The following USH2A variants were observed in gnomAD, a reference collection of about 807,000 sequenced individuals.
The protein encoded by USH2A is usherin, also known as Usher syndrome 2A (autosomal recessive, mild).
In USH2A, 443 loss-of-function variants were observed where a neutral mutation model predicts 538.9. That is an observed-to-expected ratio of 0.82 (90% CI 0.76 to 0.89). The LOEUF (loss-of-function observed/expected upper bound fraction) is 0.89, where lower values mean the gene tolerates loss of function less well. Ranked by LOEUF, USH2A falls within the 40% of genes least tolerant of loss-of-function variation. The pLI, the probability that USH2A is intolerant of heterozygous loss-of-function variation, is 0.00. For missense variants in USH2A, 6,633 were observed against 6,324.8 expected, an observed-to-expected ratio of 1.05 and a Z score of -1.65; for synonymous variants, 2,413 against 2,273.5, an observed-to-expected ratio of 1.06 and a Z score of -1.75.
intron 38 of USH2A, among the ~76,000 whole-genome samples, chr1:215,931,257 A>G (rs2102496698): frequency 6.6e-6 from 1 of 152,016 alleles, no homozygotes; most frequent in East Asian, 1.9e-4. Flanking sequence ...TTAATTATAT[A>G]TTTTTTCTCA....
At chr1:216,316,845 CAG>C (rs1483982897) in intron 9 of USH2A, among the ~76,000 whole-genome samples, 1 of 152,064 alleles carries the variant, frequency 6.6e-6, no homozygotes, top group African/African-American at 2.4e-5. Flanking sequence ...TGAACATGAA[CAG>C]ACAGTTCTCA....
At chr1:215,930,643 T>A (rs1384215826) in intron 38 of USH2A, among the ~76,000 whole-genome samples, 2 of 152,028 alleles carry the variant, frequency 1.3e-5, no homozygotes, top group African/African-American at 4.8e-5. Flanking sequence ...TGCCAATCCA[T>A]ACAGGTTTGA....
At position 216,089,156 on chromosome 1, in the gene USH2A, A is replaced by T; in HGVS notation, c.4759-17T>A. The stretch of plus-strand genomic sequence containing the variant: ...TGGTGACCCCTTAAGGGAATGAATG[A>T]ATAAATAAATGTTTATACATGCATA... On this transcript the variant is annotated splice_polypyrimidine_tract_variant and intron_variant, in intron 22 of 71. Coordinates refer to ENST00000307340, the MANE Select transcript of USH2A (RefSeq NM_206933.4). The T allele has an allele frequency of 1.2e-6, 2 of 1,607,344 alleles. No individual in the cohort carries two copies. The highest frequency in any genetic ancestry group is 1.7e-6 in the Non-Finnish European group (2 of 1,174,592).
intron 47 of USH2A, among the ~76,000 whole-genome samples, chr1:215,832,745 A>C: frequency 6.6e-6 from 1 of 151,940 alleles, no homozygotes; most frequent in Non-Finnish European, 1.5e-5. Context: ...GCAATAAGGC[A>C]GGAAAAAGAA....
At chr1:216,171,729 T>A (rs1251052060) in intron 21 of USH2A, among the ~76,000 whole-genome samples, 1 of 152,076 alleles carries the variant, frequency 6.6e-6, no homozygotes, top group African/African-American at 2.4e-5. Context: ...GTCAGTGGAA[T>A]TATGTTAATT....
intron 11 of USH2A, among the ~76,000 whole-genome samples, chr1:216,273,166 G>C (rs940996724): frequency 6.6e-6 from 1 of 152,104 alleles, no homozygotes. Context: ...GATAGTAAAG[G>C]GGTGTCGGAC....
intron 20 of USH2A, among the ~76,000 whole-genome samples, chr1:216,185,058 T>G (rs2034571902): frequency 1.3e-5 from 2 of 151,912 alleles, no homozygotes; most frequent in African/African-American, 4.8e-5. Context: ...CACAAATTTC[T>G]CGGATTAAAA....
chr1:215,779,918 C>T lies in USH2A; in HGVS notation c.10864G>A (p.Glu3622Lys). Residue 3622 changes from glutamate (E) to lysine (K), a missense_variant, in exon 55 of 72, where the codon GAG (glutamate) becomes AAG (lysine). Glu to Lys is a moderately conservative substitution (Grantham distance 56). Transcript: ENST00000307340. Reference protein sequence around the residue: ...VPEKSNGVIKEYQIRQVGKGL... With the variant: ...VPEKSNGVIKKYQIRQVGKGL... Reference sequence around the variant, plus strand: ...TTCCCAACCTGCCTGATCTGGTACTCTTTAATGACGCCGTTTGATTTCTCA... The same window carrying T: ...TTCCCAACCTGCCTGATCTGGTACTTTTTAATGACGCCGTTTGATTTCTCA... 2 of 1,614,104 alleles carry T rather than the reference C, an allele frequency of 1.2e-6. No individual in the cohort carries two copies. Among genetic ancestry groups the T allele is most frequent in the South Asian group, 1.1e-5 (1 of 91,080 alleles).
chr1:216,346,324 A>G (rs2038175167), intron 4 of USH2A, among the ~76,000 whole-genome samples: 1 of 152,072 alleles, frequency 6.6e-6, no homozygotes, highest in Admixed American at 6.6e-5. Context: ...CACAGACCCC[A>G]TTTTGAGAAA....
At chr1:216,103,469 C>G (rs1218296855) in intron 21 of USH2A, among the ~76,000 whole-genome samples, 1 of 152,088 alleles carries the variant, frequency 6.6e-6, no homozygotes, top group Non-Finnish European at 1.5e-5. Flanking sequence ...TGGAAATTGT[C>G]AAGTAATAGC....
chr1:216,081,125 G>C (rs988559547), intron 26 of USH2A, among the ~76,000 whole-genome samples: 1 of 152,128 alleles, frequency 6.6e-6, no homozygotes, highest in African/African-American at 2.4e-5. Flanking sequence ...TGAAAAGCGA[G>C]GTGGCTGGAC....
In USH2A at chr1:216,190,427, T is replaced by C. The variant is rs888280289; in HGVS notation, c.4252-60A>G. On this transcript the variant is annotated intron_variant, in intron 19 of 71. Coordinates refer to ENST00000307340, the MANE Select transcript of USH2A (RefSeq NM_206933.4). The stretch of plus-strand genomic sequence containing the variant: ...AGATAATAGGTAATCAGTGTGAAAA[T>C]ATAACCTTGGCAGTCAAAGTTCCAT... The C allele has an allele frequency of 1.5e-5, 23 of 1,584,632 alleles. No homozygotes were observed. The Admixed American group carries it at 3.6e-4, about 25-fold the overall frequency.
At chr1:216,293,876 C>A (rs1571670838) in intron 9 of USH2A, among the ~76,000 whole-genome samples, 2 of 152,292 alleles carry the variant, frequency 1.3e-5, no homozygotes, top group African/African-American at 4.8e-5. Flanking sequence ...TTGTGGACTG[C>A]AGAGCCAGCA....
chr1:216,277,774 C>T (rs1053445290), intron 11 of USH2A, among the ~76,000 whole-genome samples: 3 of 152,138 alleles, frequency 2.0e-5, no homozygotes, highest in Admixed American at 2.0e-4. Flanking sequence ...AAGCGACACA[C>T]ACCTCTTTTG....
At chr1:216,073,017 A>G (rs751413062) in intron 28 of USH2A, 48 bp from the exon 29 acceptor site, 9 of 1,610,670 alleles carry the variant, frequency 5.6e-6, no homozygotes, top group Non-Finnish European at 8.5e-7. Context: ...ACTCATATAG[A>G]TTAATGAGGG....
At chr1:215,917,153 T>C (rs534620170) in intron 38 of USH2A, among the ~76,000 whole-genome samples, 1 of 152,138 alleles carries the variant, frequency 6.6e-6, no homozygotes, top group Admixed American at 6.6e-5. Flanking sequence ...TTTTTTGTTA[T>C]GTCTCAAACC....
intron 14 of USH2A, 27 bp downstream of exon 14, chr1:216,231,926 A>G: frequency 6.2e-7 from 1 of 1,613,670 alleles, no homozygotes; most frequent in Non-Finnish European, 8.5e-7. Flanking sequence ...AGAAAGAGTT[A>G]AATTATTAAA....
chr1:216,288,351 C>T (rs1399629370), intron 11 of USH2A, among the ~76,000 whole-genome samples: 2 of 151,974 alleles, frequency 1.3e-5, no homozygotes, highest in Non-Finnish European at 2.9e-5. Flanking sequence ...GTAATGCCCC[C>T]TTATTGACAC....
chr1:216,321,818 T>C, intron 9 of USH2A, 65 bp downstream of exon 9: 2 of 1,397,060 alleles, frequency 1.4e-6, no homozygotes, highest in Non-Finnish European at 2.0e-6. Context: ...ATTAAGTTCA[T>C]AGAATTTATA....
Sources: gnomAD v4.1 joint callset for allele counts (sites outside exome capture counted in the v4.1 genomes callset) on GRCh38, gnomAD v4.1.1 for gene constraint, MANE v1.5 for transcripts, NCBI Gene and HGNC (gene_info 2026-07-23, HGNC 2026-07-21) for gene names.